The following DISC1 variants were observed in gnomAD, a reference collection of about 807,000 sequenced individuals.
DISC1 encodes the protein disrupted in schizophrenia 1 protein.
DISC1 carries 57 observed loss-of-function variants against 84.5 expected under a neutral mutation model. The ratio of observed to expected loss-of-function variants is 0.67; its 90% CI spans 0.55 to 0.84. The LOEUF (loss-of-function observed/expected upper bound fraction) is 0.84. Ranked by LOEUF, DISC1 falls within the 40% of genes least tolerant of loss-of-function variation. The pLI, the probability that DISC1 is intolerant of heterozygous loss-of-function variation, is 0.00. For synonymous variants in DISC1, 411 were observed against 415.2 expected (o/e 0.99, Z 0.12); for missense variants, 1,000 against 1,057.8 (o/e 0.95, Z 0.76).
chr1:231,929,217 C>T (rs1417330923), intron 9 of DISC1, among the ~76,000 whole-genome samples: 3 of 152,146 alleles, frequency 2.0e-5, no homozygotes, highest in Non-Finnish European at 2.9e-5. Context: ...TCTCTAAGAA[C>T]TTGCTTTATG....
chr1:231,821,155 G>C (rs2081465345), intron 9 of DISC1, among the ~76,000 whole-genome samples: 1 of 152,126 alleles, frequency 6.6e-6, no homozygotes, highest in Non-Finnish European at 1.5e-5. Context: ...ATCAATATTT[G>C]TTCATTTACT....
intron 9 of DISC1, 106 bp downstream of exon 9, chr1:231,818,623 G>A (rs913876968): frequency 1.8e-5 from 27 of 1,527,142 alleles, no homozygotes; most frequent in Admixed American, 4.1e-5. Flanking sequence ...TGTGAAGAGC[G>A]TCATGGAGCA....
chr1:231,862,411 C>T (rs1368676741), intron 9 of DISC1, among the ~76,000 whole-genome samples: 2 of 152,082 alleles, frequency 1.3e-5, no homozygotes, highest in African/African-American at 4.8e-5. Context: ...ATGACTACTT[C>T]GATGGTTTTA....
chr1:231,749,919 T>C lies in DISC1; in HGVS notation c.1118-7T>C. On this transcript the variant is annotated splice_region_variant and splice_polypyrimidine_tract_variant and intron_variant, in intron 3 of 12. Transcript: ENST00000439617. Reference sequence around the variant, plus strand: ...TTTTCCTCTCTCTCATCATTTTGGGTTTCCAGCTGAGACGTTACAACAAAG... The same window carrying C: ...TTTTCCTCTCTCTCATCATTTTGGGCTTCCAGCTGAGACGTTACAACAAAG... 6.2e-7 allele frequency: 1 copy of C among 1,614,092 alleles called. No homozygotes were observed. Among genetic ancestry groups the C allele is most frequent in the African/African-American group, 1.3e-5 (1 of 75,016 alleles).
chr1:231,696,032 C>T (rs1428493487), intron 2 of DISC1, among the ~76,000 whole-genome samples: 1 of 152,072 alleles, frequency 6.6e-6, no homozygotes, highest in Non-Finnish European at 1.5e-5. Flanking sequence ...CTTGTCTTTC[C>T]CCGAAACCCG....
chr1:231,923,668 T>C (rs1261278899), intron 9 of DISC1, among the ~76,000 whole-genome samples: 2 of 152,364 alleles, frequency 1.3e-5, no homozygotes, highest in East Asian at 3.9e-4. Context: ...CGCTGTTTCC[T>C]AGGGCTTATT....
chr1:231,760,303 A>G (rs975596582), intron 4 of DISC1, among the ~76,000 whole-genome samples: 1 of 152,192 alleles, frequency 6.6e-6, no homozygotes, highest in African/African-American at 2.4e-5. Context: ...AGCTATTTCT[A>G]GGTGTAAAGT....
intron 9 of DISC1, among the ~76,000 whole-genome samples, chr1:231,860,508 C>T (rs1303696416): frequency 2.6e-5 from 4 of 152,102 alleles, no homozygotes; most frequent in Non-Finnish European, 4.4e-5. Context: ...TAGAAACCTA[C>T]ATATCAAAAA....
intron 8 of DISC1, among the ~76,000 whole-genome samples, chr1:231,808,561 C>A (rs113446043): frequency 1.5e-3 from 224 of 152,348 alleles, no homozygotes; most frequent in African/African-American, 5.1e-3. Flanking sequence ...CCCAGAACAG[C>A]TAGCAAACCG....
chr1:231,713,049 G>C (rs969387818), intron 3 of DISC1, among the ~76,000 whole-genome samples: 2 of 152,112 alleles, frequency 1.3e-5, no homozygotes, highest in East Asian at 3.9e-4. Flanking sequence ...TGTAAGGTTG[G>C]GTAAGTATTG....
intron 1 of DISC1, among the ~76,000 whole-genome samples, chr1:231,685,753 G>A (rs1173284563): frequency 6.6e-6 from 1 of 152,080 alleles, no homozygotes; most frequent in Non-Finnish European, 1.5e-5. Context: ...ACCCGGACTG[G>A]CAAAAGGCAC....
intron 1 of DISC1, among the ~76,000 whole-genome samples, chr1:231,641,465 C>T (rs918011647): frequency 1.3e-5 from 2 of 152,104 alleles, no homozygotes; most frequent in South Asian, 2.1e-4. Flanking sequence ...AAGCTGCAGA[C>T]CTTCGTGGTG....
chr1:231,767,296 A>G (rs2076237557), intron 5 of DISC1, 27 bp downstream of exon 5: 1 of 1,613,778 alleles, frequency 6.2e-7, no homozygotes, highest in Middle Eastern at 1.6e-4. Context: ...TCTTCAAGAA[A>G]TATGATGGCA....
intron 3 of DISC1, among the ~76,000 whole-genome samples, chr1:231,744,878 A>T (rs1254259394): frequency 1.3e-5 from 2 of 152,202 alleles, no homozygotes; most frequent in Non-Finnish European, 2.9e-5. Flanking sequence ...AATTGTTTAA[A>T]GAGTATCTAC....
chr1:231,874,738 C>T (rs543709089), intron 9 of DISC1, among the ~76,000 whole-genome samples: 2 of 151,590 alleles, frequency 1.3e-5, no homozygotes, highest in Admixed American at 6.6e-5. Flanking sequence ...GGTGAAACCC[C>T]GTATCTACCA....
At chr1:231,892,914 C>A (rs2087359579) in intron 9 of DISC1, among the ~76,000 whole-genome samples, 1 of 152,068 alleles carries the variant, frequency 6.6e-6, no homozygotes, top group Non-Finnish European at 1.5e-5. Flanking sequence ...GTAATCCAAG[C>A]ACTTTGGGAG....
chr1:231,736,564 T>G (rs1558452279), intron 3 of DISC1, among the ~76,000 whole-genome samples: 1 of 152,214 alleles, frequency 6.6e-6, no homozygotes, highest in African/African-American at 2.4e-5. Flanking sequence ...ATGGCTGATT[T>G]TCATGAAAAT....
chr1:231,834,759 G>A (rs962319054), intron 9 of DISC1, among the ~76,000 whole-genome samples: 6 of 151,966 alleles, frequency 3.9e-5, no homozygotes, highest in African/African-American at 1.5e-4. Context: ...GAGAAGGGAT[G>A]GGGGGTTCTT....
At chr1:231,710,866 A>G (rs1315898172) in intron 3 of DISC1, among the ~76,000 whole-genome samples, 1 of 152,180 alleles carries the variant, frequency 6.6e-6, no homozygotes, top group Non-Finnish European at 1.5e-5. Context: ...CCAACATATG[A>G]ATATTGCAGG....
Sources: gnomAD v4.1 joint callset for allele counts (sites outside exome capture counted in the v4.1 genomes callset) on GRCh38, gnomAD v4.1.1 for gene constraint, MANE v1.5 for transcripts, NCBI Gene and HGNC (gene_info 2026-07-23, HGNC 2026-07-21) for gene names.